Variants in ARID1A observed in about 807,000 individuals in gnomAD.
ARID1A encodes the protein AT-rich interactive domain-containing protein 1A.
Under a neutral mutation model 212.6 loss-of-function variants are expected in ARID1A, and 20 were observed. That is an observed-to-expected ratio of 0.09 (90% CI 0.07 to 0.14). The LOEUF (loss-of-function observed/expected upper bound fraction) is 0.14. Among genes scored for constraint, ARID1A ranks in the 10% least tolerant of loss-of-function variants. ARID1A has a pLI of 1.00. For missense variants in ARID1A, 2,587 were observed against 3,059.0 expected (o/e 0.85, Z 3.64); for synonymous variants, 1,376 against 1,222.1 (o/e 1.13, Z -2.63).
intron 4 of ARID1A, among the ~76,000 whole-genome samples, chr1:26,758,601 CAG>C (rs2080962305): frequency 7.0e-6 from 1 of 143,706 alleles, no homozygotes; most frequent in Non-Finnish European, 1.5e-5. Context: ...CCTGGGGTAA[CAG>C]AGTGAGACCC....
chr1:26,714,300 G>A (rs1479165678), intron 1 of ARID1A, among the ~76,000 whole-genome samples: 1 of 152,086 alleles, frequency 6.6e-6, no homozygotes, highest in Non-Finnish European at 1.5e-5. Context: ...CATACTTTTG[G>A]AACTTTGAGA....
intron 1 of ARID1A, among the ~76,000 whole-genome samples, chr1:26,721,351 A>G (rs1251633169): frequency 6.6e-6 from 1 of 152,096 alleles, no homozygotes; most frequent in African/African-American, 2.4e-5. Flanking sequence ...AGCTGGGACT[A>G]CAGGCGCGTG....
In ARID1A at chr1:26,774,392, T is replaced by G. The variant is rs2124117366; in HGVS notation, c.4165T>G (p.Tyr1389Asp). ...PPAKRHEGEM[Y>D]SVPYSTGQGQ... ...TGCCAAGCGGCACGAAGGGGAGATG[T>G]ACAGCGTGCCATACAGCACTGGGCA... is the stretch of plus-strand genomic sequence containing the variant. Residue 1389 changes from tyrosine (Y) to aspartate (D), a missense_variant, in exon 18 of 20, where the codon TAC becomes GAC. Physicochemically the swap from Tyr to Asp is radical, Grantham distance 160. Coordinates refer to ENST00000324856, the MANE Select transcript of ARID1A (RefSeq NM_006015.6). This position sits in a 1 kb window ranked among gnomAD's most constrained non-coding sequence, Gnocchi z 5.6. 2 of 1,594,892 alleles carry G rather than the reference T, an allele frequency of 1.3e-6. No individual in the cohort carries two copies. Among genetic ancestry groups the G allele is most frequent in the South Asian group, 2.2e-5 (2 of 89,564 alleles).
intron 1 of ARID1A, among the ~76,000 whole-genome samples, chr1:26,721,164 T>C (rs1038595414): frequency 2.0e-5 from 3 of 152,178 alleles, no homozygotes; most frequent in Non-Finnish European, 4.4e-5. Flanking sequence ...TCTTGTTTCA[T>C]AGTTTTCTTG....
chr1:26,755,891 C>CT (rs2080931156), intron 4 of ARID1A, among the ~76,000 whole-genome samples: 4 of 151,920 alleles, frequency 2.6e-5, no homozygotes, highest in Admixed American at 2.6e-4. Flanking sequence ...CTGCAGGCAC[C>CT]TGCCACCACA....
At chr1:26,738,460 A>T (rs1020539126) in intron 4 of ARID1A, among the ~76,000 whole-genome samples, 1 of 152,208 alleles carries the variant, frequency 6.6e-6, no homozygotes, top group Admixed American at 6.5e-5. Flanking sequence ...CTGGTTGCTT[A>T]TTGCCATAGT....
intron 1 of ARID1A, among the ~76,000 whole-genome samples, chr1:26,715,562 T>TA (rs1386870183): frequency 3.3e-5 from 5 of 152,238 alleles, no homozygotes; most frequent in Non-Finnish European, 7.3e-5. Flanking sequence ...TTTGAGCATA[T>TA]ATTGGGATGC....
intron 4 of ARID1A, among the ~76,000 whole-genome samples, chr1:26,755,943 C>G (rs570018865): frequency 7.9e-5 from 12 of 152,128 alleles, no homozygotes; most frequent in Non-Finnish European, 1.8e-4. Context: ...CAGGGTTTCA[C>G]TATGTTAGCC....
chr1:26,724,459 C>T (rs1437060288), intron 1 of ARID1A, among the ~76,000 whole-genome samples: 1 of 152,156 alleles, frequency 6.6e-6, no homozygotes, highest in East Asian at 1.9e-4. Flanking sequence ...TTTCCTGGTG[C>T]CACTGCCACG....
Position 26,697,285 on chromosome 1 carries a change from C to T in ARID1A, c.882C>T (p.Thr294=), listed in dbSNP as rs746292498. ...GGTPQPTATP[T]LNQLLTSPSS... Reference sequence around the variant, plus strand: ...CTCCCCAGCCCACCGCCACCCCCACCCTCAACCAACTGCTCACGTCGCCCA... The same window carrying T: ...CTCCCCAGCCCACCGCCACCCCCACTCTCAACCAACTGCTCACGTCGCCCA... Residue 294 remains threonine, a synonymous_variant, in exon 1 of 20, where the codon ACC becomes ACT. Coordinates refer to ENST00000324856, the MANE Select transcript of ARID1A (RefSeq NM_006015.6). 1.5e-5 allele frequency: 21 copies of T among 1,362,384 alleles called. No homozygotes were observed. Among genetic ancestry groups the T allele is most frequent in the South Asian group, 3.7e-5 (2 of 54,734 alleles). The allele number at this position is 1,362,384 out of a possible 1,614,324, so 84.4% of individuals were successfully genotyped here.
chr1:26,720,442 C>G (rs1054430199), intron 1 of ARID1A, among the ~76,000 whole-genome samples: 3 of 149,894 alleles, frequency 2.0e-5, no homozygotes, highest in African/African-American at 7.4e-5. Context: ...CATTGCACTC[C>G]AGCATGGGCG....
intron 1 of ARID1A, among the ~76,000 whole-genome samples, chr1:26,701,369 ATC>A (rs1175909284): frequency 1.3e-5 from 2 of 152,108 alleles, no homozygotes; most frequent in Admixed American, 1.3e-4. Context: ...TGTGGCTTTT[ATC>A]TCTGGGTTTT....
At chr1:26,719,810 A>G (rs1212542772) in intron 1 of ARID1A, among the ~76,000 whole-genome samples, 1 of 151,290 alleles carries the variant, frequency 6.6e-6, no homozygotes, top group Non-Finnish European at 1.5e-5. Context: ...GCATGGTGAC[A>G]TGCGCCTGTA....
rs57532083 is a variant in ARID1A at position 26,709,626 on chromosome 1, CTT to C, written c.1137+12106_1137+12107del. 2.9e-3 allele frequency among the ~76,000 whole-genome samples: 347 copies of C among 118,456 alleles called. 2 individuals are homozygous for C. Among genetic ancestry groups the C allele is most frequent in the African/African-American group, 9.7e-3 (299 of 30,892 alleles). The allele number at this position is 118,456 out of a possible 152,430, so 77.7% of individuals were successfully genotyped here. The stretch of plus-strand genomic sequence containing the variant: ...TAGCTACATCTGAGTTACTGTAATG[CTT>C]TTTTTTTTTTTTTTTTTTTAAACTA... On this transcript the variant is annotated intron_variant, in intron 1 of 19. Transcript: ENST00000324856.
intron 4 of ARID1A, among the ~76,000 whole-genome samples, chr1:26,747,527 A>G (rs2080849519): frequency 6.6e-6 from 1 of 151,996 alleles, no homozygotes; most frequent in Non-Finnish European, 1.5e-5. Flanking sequence ...TGGGGAAGGT[A>G]AGAGAAACCA....
intron 1 of ARID1A, among the ~76,000 whole-genome samples, chr1:26,706,982 C>T (rs1222081065): frequency 2.0e-5 from 3 of 151,378 alleles, no homozygotes; most frequent in African/African-American, 7.3e-5. Flanking sequence ...GGGAACAATT[C>T]TGTAGGTAGT....
chr1:26,699,433 A>G (rs1220994206), intron 1 of ARID1A, among the ~76,000 whole-genome samples: 4 of 152,142 alleles, frequency 2.6e-5, no homozygotes, highest in African/African-American at 9.7e-5. Flanking sequence ...TGCTAGGAGG[A>G]AATTTTGTTC....
Position 26,696,190 on chromosome 1 carries a change from C to CCTCGGAGCTGAAGAAA in ARID1A, c.-214_-213insCTCGGAGCTGAAGAAA. On this transcript the variant is annotated 5_prime_UTR_variant, in exon 1 of 20. It introduces an in-frame stop codon into an upstream open reading frame of the 5' UTR. Coordinates refer to ENST00000324856, the MANE Select transcript of ARID1A (RefSeq NM_006015.6). ...GAGCCGCCGGCGCCTCGGCCGCCGC[C>CCTCGGAGCTGAAGAAA]GCCGCCTCCTCCTCCTCCGCCGCCG... 1.5e-6 allele frequency: 1 copy of CCTCGGAGCTGAAGAAA among 681,058 alleles called. No homozygotes were observed. The highest frequency in any genetic ancestry group is 2.0e-6 in the Non-Finnish European group (1 of 510,448). 42.2% of individuals were successfully genotyped at this position (681,058 alleles called of 1,614,324 possible).
chr1:26,717,247 G>C (rs2080512239), intron 1 of ARID1A, among the ~76,000 whole-genome samples: 1 of 152,158 alleles, frequency 6.6e-6, no homozygotes, highest in Admixed American at 6.5e-5. Context: ...TTTTGAAACT[G>C]CTCTCAACCC....
Sources: allele counts gnomAD v4.1 joint callset (sites outside exome capture counted in the v4.1 genomes callset), GRCh38; gene constraint gnomAD v4.1.1; non-coding constraint Gnocchi (gnomAD v3.1); transcripts MANE v1.5; gene names NCBI Gene and HGNC (gene_info 2026-07-23, HGNC 2026-07-21).